Variants in PTPRN2 observed in about 807,000 individuals in gnomAD.
PTPRN2 encodes the protein protein tyrosine phosphatase receptor type N2.
Under a neutral mutation model 118.8 loss-of-function variants are expected in PTPRN2, and 74 were observed. The ratio of observed to expected loss-of-function variants is 0.62; its 90% CI spans 0.52 to 0.76. The LOEUF (loss-of-function observed/expected upper bound fraction) is 0.76. Among genes scored for constraint, PTPRN2 ranks in the 30% least tolerant of loss-of-function variants. PTPRN2 has a pLI of 0.00. For synonymous variants in PTPRN2, 641 were observed against 608.0 expected (o/e 1.05, Z -0.80); for missense variants, 1,481 against 1,394.4 (o/e 1.06, Z -0.99).
chr7:158,533,829 A>C (rs1002312349), intron 1 of PTPRN2, among the ~76,000 whole-genome samples: 1 of 152,240 alleles, frequency 6.6e-6, no homozygotes, highest in African/African-American at 2.4e-5. Context: ...TGCAGAATGA[A>C]CACCATGAAA....
At chr7:158,058,522 G>A (rs1216661775) in intron 11 of PTPRN2, among the ~76,000 whole-genome samples, 2 of 77,340 alleles carry the variant, frequency 2.6e-5, no homozygotes, top group East Asian at 7.9e-4. Context: ...AGACATCACT[G>A]CAGCCACACT....
chr7:157,898,619 C>T, intron 12 of PTPRN2, 54 bp downstream of exon 12: 1 of 1,495,270 alleles, frequency 6.7e-7, no homozygotes. Flanking sequence ...TGTTCGCCAG[C>T]ACCCAGACAG....
At chr7:157,865,541 C>G (rs897673725) in intron 12 of PTPRN2, 6 of 152,260 alleles carry the variant, frequency 3.9e-5, no homozygotes, top group Admixed American at 2.6e-4. Flanking sequence ...CTGACTGTGC[C>G]GAGCCTGTCG....
rs370056444 is a variant in PTPRN2, at chr7:157,950,470, G to A, written c.1724-51733C>T. 4.4e-4 allele frequency among the ~76,000 whole-genome samples: 67 copies of A among 152,222 alleles called. 1 individual carries two copies. In the South Asian group the frequency reaches 0.014, roughly 31 times the overall value. On this transcript the variant is annotated intron_variant, in intron 11 of 22. Transcript: ENST00000389418. Reference sequence around the variant, plus strand: ...TTCAGATATGTAATGGGTTATTTTTGTTGGTATTTGGGTGGGTCAAATGCT... The same window carrying A: ...TTCAGATATGTAATGGGTTATTTTTATTGGTATTTGGGTGGGTCAAATGCT...
Position 158,530,979 on chromosome 7 carries a change from C to T in PTPRN2, c.113-41194G>A, listed in dbSNP as rs375339222. 1.1e-4 allele frequency among the ~76,000 whole-genome samples: 16 copies of T among 152,172 alleles called. No homozygotes were observed. In the South Asian group the frequency reaches 1.2e-3, roughly 12 times the overall value. ...GCATGTGTACGGATGTATCTGTATG[C>T]GGATGTGTGTGGCCACATGTATGTA... On this transcript the variant is annotated intron_variant, in intron 1 of 22. Coordinates refer to ENST00000389418, the MANE Select transcript of PTPRN2 (RefSeq NM_002847.5).
chr7:158,376,621 C>T (rs1315423075), intron 2 of PTPRN2, among the ~76,000 whole-genome samples: 16 of 90,972 alleles, frequency 1.8e-4, no homozygotes, highest in African/African-American at 6.2e-4. Context: ...AGAGGGGGGT[C>T]AGGGGACTCC....
At position 158,387,050 on chromosome 7, in the gene PTPRN2, C is replaced by T. The variant is rs570918911; in HGVS notation, c.164-70118G>A. Among the ~76,000 whole-genome samples, 54 of 152,252 alleles carry T rather than the reference C, an allele frequency of 3.5e-4. No individual in the cohort carries two copies. The South Asian group carries it at 4.8e-3, about 13-fold the overall frequency. ...GCGTCTGCCCAGGCTCTTTTGATGA[C>T]GCGTCTCTGTGGCAGCATGTGTTCT... On this transcript the variant is annotated intron_variant, in intron 2 of 22. Coordinates refer to ENST00000389418, the MANE Select transcript of PTPRN2 (RefSeq NM_002847.5).
chr7:158,077,230 G>T (rs572287208), intron 11 of PTPRN2, among the ~76,000 whole-genome samples: 1 of 152,064 alleles, frequency 6.6e-6, no homozygotes, highest in African/African-American at 2.4e-5. Context: ...CCTCCATGTG[G>T]ACCCGCTACA....
intron 5 of PTPRN2, among the ~76,000 whole-genome samples, chr7:158,172,727 T>C (rs977908579): frequency 5.5e-5 from 8 of 146,390 alleles, no homozygotes; most frequent in African/African-American, 1.8e-4. Flanking sequence ...CCCACCATCA[T>C]CTTCACCATC....
At chr7:158,316,962 C>T (rs774502998) in intron 2 of PTPRN2, 30 bp from the exon 3 acceptor site, 42 of 1,526,018 alleles carry the variant, frequency 2.8e-5, no homozygotes, top group Admixed American at 5.5e-5. Context: ...TAAGACAGAA[C>T]GAGACGTTTC....
chr7:158,233,642 C>T (rs1160919468), intron 3 of PTPRN2, among the ~76,000 whole-genome samples: 2 of 152,106 alleles, frequency 1.3e-5, no homozygotes, highest in African/African-American at 4.8e-5. Flanking sequence ...CATAAGCTCA[C>T]AAAAGACCCC....
intron 5 of PTPRN2, among the ~76,000 whole-genome samples, chr7:158,191,717 C>T (rs1446865162): frequency 6.6e-6 from 1 of 152,160 alleles, no homozygotes; most frequent in Non-Finnish European, 1.5e-5. Flanking sequence ...AGCTCCCACT[C>T]GCCCTGCATA....
intron 12 of PTPRN2, among the ~76,000 whole-genome samples, chr7:157,734,254 CCG>C (rs1800164675): frequency 1.3e-5 from 1 of 76,348 alleles, no homozygotes; most frequent in African/African-American, 4.6e-5. Context: ...GCACACTCTT[CCG>C]TCCCATGTGC....
intron 2 of PTPRN2, among the ~76,000 whole-genome samples, chr7:158,343,670 C>A (rs6459860): frequency 0.64 from 65,652 of 103,162 alleles, 22,812 homozygotes; most frequent in South Asian, 0.77. Context: ...ACACCCAACA[C>A]CTGCAAGCAG....
chr7:157,806,336 G>C (rs1163680092), intron 12 of PTPRN2, among the ~76,000 whole-genome samples: 1 of 152,140 alleles, frequency 6.6e-6, no homozygotes, highest in South Asian at 2.1e-4. Context: ...ACCTGTAGGT[G>C]CATGTATATA....
At chr7:158,557,517 C>G (rs1827122925) in intron 1 of PTPRN2, among the ~76,000 whole-genome samples, 1 of 152,260 alleles carries the variant, frequency 6.6e-6, no homozygotes, top group South Asian at 2.1e-4. Flanking sequence ...ACAAGCCAGC[C>G]AGTCCACAAA....
At chr7:157,922,070 C>T (rs1047904613) in intron 11 of PTPRN2, among the ~76,000 whole-genome samples, 1 of 152,150 alleles carries the variant, frequency 6.6e-6, no homozygotes, top group African/African-American at 2.4e-5. Context: ...TTAAAAGTTG[C>T]TTGTTTTTAT....
At position 157,540,784 on chromosome 7, in the gene PTPRN2, T is replaced by C. The variant is rs1438108745; in HGVS notation, c.2978A>G (p.Glu993Gly). ...DQRPGMVQTK[E>G]QFEFALTAVA... ...GGCTGTCAGCGCGAACTCAAACTGC[T>C]CCTGCAGGGCGAGAAACGAGAGAAG... Residue 993 changes from glutamate (E) to glycine (G), a missense_variant and splice_region_variant, in exon 23 of 23, where the codon GAG (glutamate) becomes GGG (glycine). By Grantham distance (98) the Glu-to-Gly change is moderately conservative. Transcript: ENST00000389418. 6.4e-7 allele frequency: 1 copy of C among 1,561,516 alleles called. No individual in the cohort carries two copies. Among genetic ancestry groups the C allele is most frequent in the Admixed American group, 1.9e-5 (1 of 52,510 alleles).
rs536881773 is a variant in PTPRN2 at position 158,348,935 on chromosome 7, G to A, written c.164-32003C>T. On this transcript the variant is annotated intron_variant, in intron 2 of 22. Transcript: ENST00000389418. ...GTGGCCCACGTCACTGCACCCCTGG[G>A]TGGTCCCTGAGGGCAGTGCTGAGGG... Among the ~76,000 whole-genome samples the A allele has an allele frequency of 5.4e-3, 719 of 134,364 alleles. 5 individuals are homozygous for A. Among genetic ancestry groups the A allele is most frequent in the African/African-American group, 0.02 (670 of 33,014 alleles). 88.1% of individuals were successfully genotyped at this position (134,364 alleles called of 152,430 possible).
Sources: gnomAD v4.1 joint callset for allele counts (sites outside exome capture counted in the v4.1 genomes callset) on GRCh38, gnomAD v4.1.1 for gene constraint, MANE v1.5 for transcripts, NCBI Gene and HGNC (gene_info 2026-07-23, HGNC 2026-07-21) for gene names.